The following EEA1 variants were observed in gnomAD, a reference collection of about 807,000 sequenced individuals.
EEA1 encodes early endosome antigen 1, 162kD.
EEA1 carries 111 observed loss-of-function variants against 209.2 expected under a neutral mutation model. The observed-to-expected ratio is 0.53, with a 90% CI of 0.45 to 0.62. EEA1 has a LOEUF of 0.62. EEA1 is among the 20% of genes least tolerant of loss of function. EEA1 has a pLI of 0.00. For missense variants in EEA1, 1,343 were observed against 1,530.8 expected (o/e 0.88, Z 2.05); for synonymous variants, 536 against 540.6 (o/e 0.99, Z 0.12).
rs1014154571 is a variant in EEA1, at chr12:92,924,277, G to A, written c.24+4766C>T. On this transcript the variant is annotated intron_variant, in intron 1 of 28. Coordinates refer to ENST00000322349, the MANE Select transcript of EEA1 (RefSeq NM_003566.4). Reference sequence around the variant, plus strand: ...CTGGAGAGTGCAATGGCACAATCTCGGCTCACTGCAATCTCAGCCTCCCAG... The same window carrying A: ...CTGGAGAGTGCAATGGCACAATCTCAGCTCACTGCAATCTCAGCCTCCCAG... Among the ~76,000 whole-genome samples, 41 of 138,952 alleles carry A rather than the reference G, an allele frequency of 3.0e-4. 1 individual carries two copies. Among genetic ancestry groups the A allele is most frequent in the South Asian group, 2.6e-3 (12 of 4,570 alleles). 91.2% of individuals were successfully genotyped at this position (138,952 alleles called of 152,430 possible). A position where few individuals can be genotyped will look rare whatever the true frequency, so the allele number is the denominator to read the frequency against.
rs945624286 is a variant in EEA1, at chr12:92,865,872, C to T, written c.118-885G>A. On this transcript the variant is annotated intron_variant, in intron 2 of 28. Transcript: ENST00000322349. ...AGCGATTTTCCCTGCCTCAGCCTCC[C>T]GAGGAGCTGGGATTACAGGCACCCG... 5.9e-5 allele frequency among the ~76,000 whole-genome samples: 9 copies of T among 151,740 alleles called. No homozygotes were observed. In the South Asian group the frequency reaches 8.3e-4, roughly 14 times the overall value.
At chr12:92,879,178 C>G (rs1221770611) in intron 2 of EEA1, 2 of 322,574 alleles carry the variant, frequency 6.2e-6, no homozygotes, top group Admixed American at 4.5e-5. Context: ...ATCTGAAATG[C>G]TTGAGACACT....
intron 2 of EEA1, among the ~76,000 whole-genome samples, chr12:92,877,964 C>A (rs765999359): frequency 1.4e-4 from 21 of 152,214 alleles, no homozygotes; most frequent in Non-Finnish European, 2.6e-4. Context: ...TGGAAGCAGG[C>A]ATTTCCTAAA....
chr12:92,859,081 G>GT, intron 3 of EEA1: 1 of 824,714 alleles, frequency 1.2e-6, no homozygotes, highest in East Asian at 2.5e-5. Flanking sequence ...ATCTATCTCT[G>GT]TTTTCCATTA....
chr12:92,872,756 C>A (rs1878711152), intron 2 of EEA1, among the ~76,000 whole-genome samples: 1 of 152,058 alleles, frequency 6.6e-6, no homozygotes, highest in African/African-American at 2.4e-5. Flanking sequence ...AGTTCGAGAC[C>A]AGTCTGGCCA....
intron 1 of EEA1, among the ~76,000 whole-genome samples, chr12:92,901,831 G>T (rs1476366391): frequency 2.0e-5 from 3 of 151,788 alleles, no homozygotes; most frequent in Non-Finnish European, 4.4e-5. Context: ...AGCCTCCTAA[G>T]GTGCTGGGAT....
chr12:92,876,463 A>C (rs557243425), intron 2 of EEA1, among the ~76,000 whole-genome samples: 1 of 152,314 alleles, frequency 6.6e-6, no homozygotes, highest in South Asian at 2.1e-4. Context: ...CAAATGGGTA[A>C]AAGGGAGCTC....
intron 14 of EEA1, among the ~76,000 whole-genome samples, chr12:92,816,838 T>TC: frequency 2.9e-3 from 436 of 151,728 alleles, no homozygotes; most frequent in African/African-American, 0.01. Context: ...TCTTTATATA[T>TC]TCTGGGCATT....
chr12:92,842,983 T>A (rs1877233297), intron 9 of EEA1, among the ~76,000 whole-genome samples: 1 of 152,184 alleles, frequency 6.6e-6, no homozygotes, highest in African/African-American at 2.4e-5. Flanking sequence ...TTAAGACATG[T>A]ATATACAAAC....
intron 10 of EEA1, among the ~76,000 whole-genome samples, chr12:92,840,984 A>C (rs1405654797): frequency 6.6e-5 from 10 of 152,192 alleles, no homozygotes; most frequent in Non-Finnish European, 1.5e-5. Context: ...TCTTTTCACC[A>C]TGTGGGACAC....
At chr12:92,818,106 T>C (rs1033900223) in intron 14 of EEA1, among the ~76,000 whole-genome samples, 1 of 152,182 alleles carries the variant, frequency 6.6e-6, no homozygotes, top group Non-Finnish European at 1.5e-5. Flanking sequence ...CCTAAGCAGA[T>C]TTCTGAAGCT....
intron 23 of EEA1, 38 bp downstream of exon 23, chr12:92,781,912 C>T (rs755837523): frequency 1.1e-5 from 17 of 1,569,756 alleles, no homozygotes; most frequent in Non-Finnish European, 1.3e-5. Context: ...ACAACTGTAA[C>T]TCTAAGATTG....
intron 3 of EEA1, among the ~76,000 whole-genome samples, chr12:92,862,537 A>G (rs1403087789): frequency 6.6e-6 from 1 of 152,110 alleles, no homozygotes; most frequent in Non-Finnish European, 1.5e-5. Context: ...TGGAGGCTAC[A>G]GTAAGCTATG....
rs192767963 is a variant in EEA1 at position 92,817,293 on chromosome 12, A to G, written c.1729-893T>C. Among the ~76,000 whole-genome samples, 155 of 152,058 alleles carry G rather than the reference A, an allele frequency of 1.0e-3. 1 individual carries two copies. Among genetic ancestry groups the G allele is most frequent in the Non-Finnish European group, 2.0e-3 (139 of 67,984 alleles). ...TGCTTTCTACTTGCTTAATCTATTA[A>G]GTACATCCAATAAAATTTTCATTTC... On this transcript the variant is annotated intron_variant, in intron 14 of 28. Transcript: ENST00000322349.
intron 2 of EEA1, among the ~76,000 whole-genome samples, chr12:92,890,461 A>G (rs1034148478): frequency 2.0e-5 from 3 of 152,184 alleles, no homozygotes; most frequent in Non-Finnish European, 4.4e-5. Context: ...GACTGAGAGA[A>G]GGTTAAAAAG....
chr12:92,827,326 C>T (rs9989000), intron 12 of EEA1, among the ~76,000 whole-genome samples: 203 of 152,006 alleles, frequency 1.3e-3, no homozygotes, highest in African/African-American at 4.8e-3. Context: ...TACACTCCAG[C>T]CAGGGTGACA....
chr12:92,923,816 A>T (rs1215437482), intron 1 of EEA1, among the ~76,000 whole-genome samples: 1 of 146,552 alleles, frequency 6.8e-6, no homozygotes, highest in Non-Finnish European at 1.5e-5. Context: ...GAATGTACCT[A>T]TGTTCTAAGT....
At chr12:92,886,987 G>T (rs1047701133) in intron 2 of EEA1, among the ~76,000 whole-genome samples, 1 of 106,606 alleles carries the variant, frequency 9.4e-6, no homozygotes, top group Admixed American at 1.2e-4. Context: ...CAACAGAGCG[G>T]GACTCCATCT....
intron 21 of EEA1, among the ~76,000 whole-genome samples, chr12:92,795,244 T>C (rs989058079): frequency 3.3e-5 from 5 of 152,188 alleles, no homozygotes; most frequent in Admixed American, 3.3e-4. Flanking sequence ...AATTTAACCA[T>C]ATTGGTCATC....
Sources: gnomAD v4.1 joint callset for allele counts (sites outside exome capture counted in the v4.1 genomes callset) on GRCh38, gnomAD v4.1.1 for gene constraint, MANE v1.5 for transcripts, NCBI Gene and HGNC (gene_info 2026-07-23, HGNC 2026-07-21) for gene names.